ARL6IP5: variants seen among roughly 807,000 people sequenced by gnomAD.
ARL6IP5 encodes ARF like GTPase 6 interacting protein 5, also known as PRA1 family protein 3.
A neutral mutation model predicts 13.0 loss-of-function variants in ARL6IP5; 6 were observed. The ratio of observed to expected loss-of-function variants is 0.46; its 90% CI spans 0.25 to 0.91. ARL6IP5 has a LOEUF of 0.91. Ranked by LOEUF, ARL6IP5 falls within the 40% of genes least tolerant of loss-of-function variation. ARL6IP5 has a pLI of 0.17. For missense variants in ARL6IP5, 208 were observed against 248.8 expected (o/e 0.84, Z 1.10); for synonymous variants, 91 against 91.9 (o/e 0.99, Z 0.06).
intron 1 of ARL6IP5, among the ~76,000 whole-genome samples, chr3:69,089,455 C>T (rs961188289): frequency 2.6e-5 from 4 of 152,076 alleles, no homozygotes; most frequent in Non-Finnish European, 5.9e-5. Context: ...TAACCAAATT[C>T]AACTGCATCC....
chr3:69,088,721 T>C (rs2107510380), intron 1 of ARL6IP5, among the ~76,000 whole-genome samples: 2 of 152,374 alleles, frequency 1.3e-5, no homozygotes, highest in Middle Eastern at 6.8e-3. Flanking sequence ...TTGGATCCTT[T>C]ACATCAAGAA....
intron 1 of ARL6IP5, among the ~76,000 whole-genome samples, chr3:69,100,440 G>A (rs2092301467): frequency 6.6e-6 from 1 of 152,046 alleles, no homozygotes; most frequent in African/African-American, 2.4e-5. Flanking sequence ...CCTCCATGGG[G>A]CAGGCAGGTT....
intron 1 of ARL6IP5, among the ~76,000 whole-genome samples, chr3:69,094,721 G>A (rs1242677057): frequency 6.6e-6 from 1 of 152,220 alleles, no homozygotes; most frequent in East Asian, 1.9e-4. Flanking sequence ...GTCACCAAAT[G>A]TGGCCTTGAG....
intron 1 of ARL6IP5, among the ~76,000 whole-genome samples, chr3:69,087,700 T>A (rs1236529376): frequency 6.6e-6 from 1 of 152,226 alleles, no homozygotes; most frequent in East Asian, 1.9e-4. Context: ...ATAAGAGTTG[T>A]TGGTTGTCAA....
intron 1 of ARL6IP5, chr3:69,089,678 T>C (rs2092259045): frequency 1.1e-5 from 4 of 359,916 alleles, no homozygotes; most frequent in South Asian, 2.1e-5. Flanking sequence ...CCATTAGAAC[T>C]CATATTTTCT....
chr3:69,087,831 T>A (rs749559364), intron 1 of ARL6IP5, among the ~76,000 whole-genome samples: 1 of 152,224 alleles, frequency 6.6e-6, no homozygotes, highest in Non-Finnish European at 1.5e-5. Flanking sequence ...ATTATGTGGA[T>A]AAAATGTGAA....
In ARL6IP5 at chr3:69,104,647, C is replaced by G; in HGVS notation, c.*11C>G. ...AAAGTGAAGGAATAAACATAACTTACCTGAGCTAGGGTTGCAGCAGAAATT... is the reference window on the plus strand; with the variant it reads ...AAAGTGAAGGAATAAACATAACTTAGCTGAGCTAGGGTTGCAGCAGAAATT... On this transcript the variant is annotated 3_prime_UTR_variant, in exon 3 of 3. Coordinates refer to ENST00000273258, the MANE Select transcript of ARL6IP5 (RefSeq NM_006407.4). 4 of 1,611,460 alleles carry G rather than the reference C, an allele frequency of 2.5e-6. No homozygotes were observed. The highest frequency in any genetic ancestry group is 3.4e-6 in the Non-Finnish European group (4 of 1,178,510).
chr3:69,101,688 T>C, intron 1 of ARL6IP5, 151 bp from the exon 2 acceptor site: 1 of 723,100 alleles, frequency 1.4e-6, no homozygotes, highest in South Asian at 1.9e-5. Context: ...TAGTATCTCC[T>C]TTATAAGGTT....
chr3:69,088,911 T>A (rs2092256432), intron 1 of ARL6IP5, among the ~76,000 whole-genome samples: 1 of 152,224 alleles, frequency 6.6e-6, no homozygotes, highest in Admixed American at 6.5e-5. Context: ...ACTAAGCGTG[T>A]GATACATTCT....
intron 1 of ARL6IP5, among the ~76,000 whole-genome samples, chr3:69,092,773 G>A (rs990191374): frequency 6.6e-6 from 1 of 151,010 alleles, no homozygotes; most frequent in African/African-American, 2.4e-5. Context: ...CCCCACCTCA[G>A]CCTCCCAAAG....
chr3:69,102,458 C>T (rs1032959332), intron 2 of ARL6IP5, among the ~76,000 whole-genome samples: 1 of 152,240 alleles, frequency 6.6e-6, no homozygotes, highest in South Asian at 2.1e-4. Context: ...CGGGGTTTTA[C>T]TATGTTGCCC....
At chr3:69,095,649 C>A (rs1302236783) in intron 1 of ARL6IP5, among the ~76,000 whole-genome samples, 1 of 152,094 alleles carries the variant, frequency 6.6e-6, no homozygotes, top group East Asian at 1.9e-4. Flanking sequence ...CATGCGCCAC[C>A]ACGCCCAGCT....
intron 1 of ARL6IP5, among the ~76,000 whole-genome samples, chr3:69,087,356 A>C (rs548023449): frequency 2.0e-5 from 3 of 152,130 alleles, no homozygotes; most frequent in Non-Finnish European, 4.4e-5. Flanking sequence ...GTTTGCATCA[A>C]TTTTTGTTTT....
intron 1 of ARL6IP5, among the ~76,000 whole-genome samples, chr3:69,098,099 C>G (rs1326726480): frequency 1.3e-5 from 2 of 150,504 alleles, no homozygotes; most frequent in African/African-American, 4.9e-5. Context: ...TTTTTGGAAA[C>G]AGAGTCTCAC....
chr3:69,085,101 C>A lies in ARL6IP5; in HGVS notation c.54C>A (p.Ser18=), dbSNP rs1307909616. 6.2e-7 allele frequency: 1 copy of A among 1,614,038 alleles called. No individual in the cohort carries two copies. Among genetic ancestry groups the A allele is most frequent in the Non-Finnish European group, 8.5e-7 (1 of 1,180,042 alleles). ...CCTGGGACGATTTCTTCCCGGGTTC[C>A]GATCGCTTTGCCCGGCCGGACTTCA... The part of the protein sequence containing the change: ...LRAWDDFFPG[S]DRFARPDFRD... Residue 18 remains serine (S), a synonymous_variant, in exon 1 of 3, where the codon TCC becomes TCA. Transcript: ENST00000273258.
At chr3:69,104,435 G>C in intron 2 of ARL6IP5, 29 bp from the exon 3 acceptor site, 1 of 1,595,352 alleles carries the variant, frequency 6.3e-7, no homozygotes, top group South Asian at 1.1e-5. Flanking sequence ...TTGTTGCTTT[G>C]GTGTTAACCA....
intron 1 of ARL6IP5, among the ~76,000 whole-genome samples, chr3:69,085,508 C>T (rs908332516): frequency 1.3e-5 from 2 of 152,228 alleles, no homozygotes; most frequent in African/African-American, 4.8e-5. Context: ...TCCCCCACCC[C>T]CCTGCCCCCG....
chr3:69,091,654 CTTTTTTTTT>C (rs529198443), intron 1 of ARL6IP5, among the ~76,000 whole-genome samples: 1 of 105,756 alleles, frequency 9.5e-6, no homozygotes, highest in Non-Finnish European at 1.9e-5. Context: ...CTCCGTCCAG[CTTTTTTTTT>C]TTTTTTTTTT....
At chr3:69,104,097 C>A (rs540975698) in intron 2 of ARL6IP5, among the ~76,000 whole-genome samples, 10 of 152,192 alleles carry the variant, frequency 6.6e-5, no homozygotes, top group Admixed American at 2.0e-4. Context: ...TTCTGGAAAG[C>A]CTCGGGTAAG....
Sources: allele counts gnomAD v4.1 joint callset (sites outside exome capture counted in the v4.1 genomes callset), GRCh38; gene constraint gnomAD v4.1.1; transcripts MANE v1.5; gene names NCBI Gene and HGNC (gene_info 2026-07-23, HGNC 2026-07-21).